The following PCDHGA10 variants were observed in gnomAD, a reference collection of about 807,000 sequenced individuals.
PCDHGA10 encodes the protein protocadherin gamma-A10.
Under a neutral mutation model 59.5 loss-of-function variants are expected in PCDHGA10, and 42 were observed. The ratio of observed to expected loss-of-function variants is 0.71; its 90% CI spans 0.55 to 0.91. The LOEUF (loss-of-function observed/expected upper bound fraction) is 0.91. PCDHGA10 is among the 40% of genes least tolerant of loss of function. The pLI is 0.00. For missense variants in PCDHGA10, 1,111 were observed against 1,198.2 expected (o/e 0.93, Z 1.07); for synonymous variants, 511 against 517.2 (o/e 0.99, Z 0.16).
chr5:141,455,149 TTA>T (rs537241375), intron 1 of PCDHGA10, among the ~76,000 whole-genome samples: 1 of 148,248 alleles, frequency 6.7e-6, no homozygotes, highest in Non-Finnish European at 1.5e-5. Context: ...TAAATAAATA[TTA>T]GTTTGTTGGT....
At chr5:141,510,831 A>T (rs2154594660) in intron 3 of PCDHGA10, 116 bp from the exon 4 acceptor site, 1 of 1,577,022 alleles carries the variant, frequency 6.3e-7, no homozygotes, top group East Asian at 2.2e-5. Context: ...CCCAGTGCTC[A>T]GCGTGGTCAA....
intron 1 of PCDHGA10, chr5:141,418,306 GA>G: frequency 6.2e-7 from 1 of 1,614,032 alleles, no homozygotes; most frequent in East Asian, 2.2e-5. Flanking sequence ...TCAGCCTGGG[GA>G]TGGGAACAAT....
intron 1 of PCDHGA10, among the ~76,000 whole-genome samples, chr5:141,448,083 T>C (rs1020024755): frequency 2.6e-5 from 4 of 151,368 alleles, no homozygotes; most frequent in African/African-American, 9.7e-5. Context: ...CGAAATGCCA[T>C]CTTAAAAAAA....
At chr5:141,458,803 G>A (rs2098953701) in intron 1 of PCDHGA10, among the ~76,000 whole-genome samples, 2 of 152,130 alleles carry the variant, frequency 1.3e-5, no homozygotes, top group African/African-American at 4.8e-5. Flanking sequence ...TGTGATCTCA[G>A]CTCACTGCAA....
intron 1 of PCDHGA10, among the ~76,000 whole-genome samples, chr5:141,474,082 CA>C (rs1449032579): frequency 1.3e-5 from 2 of 151,946 alleles, no homozygotes; most frequent in Non-Finnish European, 2.9e-5. Flanking sequence ...AAACAAAAAC[CA>C]AAAAACAAAC....
intron 1 of PCDHGA10, chr5:141,441,799 G>C (rs546770596): frequency 2.6e-6 from 1 of 385,350 alleles, no homozygotes; most frequent in Non-Finnish European, 5.2e-6. Context: ...AACGCACCGC[G>C]GGTGCTGTAC....
Position 141,477,312 on chromosome 5 carries a change from TTACTTC to T in PCDHGA10, c.2437-17493_2437-17488del, listed in dbSNP as rs773034406. Reference sequence around the variant, plus strand: ...GTTCCACCGGGTCTCCCTTTCAGCCTTACTTCTTCCCTCAAGAATTACTTCACTTTG... The same window carrying T: ...GTTCCACCGGGTCTCCCTTTCAGCCTTTCCCTCAAGAATTACTTCACTTTG... On this transcript the variant is annotated intron_variant, in intron 1 of 3. Coordinates refer to ENST00000398610, the MANE Select transcript of PCDHGA10 (RefSeq NM_018913.3). The surrounding 1 kb of genome is among the most constrained non-coding windows in gnomAD (Gnocchi z 4.9). The T allele has an allele frequency of 2.5e-6, 4 of 1,614,162 alleles. No homozygotes were observed. Among genetic ancestry groups the T allele is most frequent in the Non-Finnish European group, 3.4e-6 (4 of 1,180,032 alleles).
intron 1 of PCDHGA10, chr5:141,478,925 G>T: frequency 1.4e-6 from 1 of 700,562 alleles, no homozygotes; most frequent in Non-Finnish European, 2.2e-6. Context: ...TCTAACCAGT[G>T]GCAGCTTCTA....
At chr5:141,419,667 G>T in intron 1 of PCDHGA10, 1 of 1,612,894 alleles carries the variant, frequency 6.2e-7, no homozygotes, top group South Asian at 1.1e-5. Flanking sequence ...CACAATGCCT[G>T]GCTGTCCTAC....
At chr5:141,427,951 A>G in intron 1 of PCDHGA10, 1 of 1,586,612 alleles carries the variant, frequency 6.3e-7, no homozygotes, top group Non-Finnish European at 8.6e-7. Flanking sequence ...CTCAATGACA[A>G]TGTGCCGCGG....
At chr5:141,419,782 C>T (rs765128711) in intron 1 of PCDHGA10, 9 of 1,614,058 alleles carry the variant, frequency 5.6e-6, no homozygotes, top group Non-Finnish European at 7.6e-6. Flanking sequence ...TCCGCCAGCG[C>T]CTGCTAGTCG....
intron 1 of PCDHGA10, chr5:141,427,798 T>C: frequency 6.6e-7 from 1 of 1,506,550 alleles, no homozygotes; most frequent in South Asian, 1.1e-5. Flanking sequence ...TACGTGTCCG[T>C]GAGCGCACAG....
At chr5:141,423,994 A>G (rs2096794168) in intron 1 of PCDHGA10, 17 of 1,081,216 alleles carry the variant, frequency 1.6e-5, no homozygotes, top group Non-Finnish European at 1.8e-5. Flanking sequence ...TCAATTTATT[A>G]TATATAGATA....
At chr5:141,421,449 G>A (rs2096574013) in intron 1 of PCDHGA10, 2 of 1,614,010 alleles carry the variant, frequency 1.2e-6, no homozygotes, top group African/African-American at 1.3e-5. Flanking sequence ...GGAAGACACA[G>A]CTTTTCGCTG....
chr5:141,502,475 A>G (rs1246548191), intron 2 of PCDHGA10, among the ~76,000 whole-genome samples: 1 of 150,884 alleles, frequency 6.6e-6, no homozygotes, highest in Non-Finnish European at 1.5e-5. Context: ...TTCCCGCAGC[A>G]TCACACTGGG....
At chr5:141,437,197 G>A (rs535640562) in intron 1 of PCDHGA10, among the ~76,000 whole-genome samples, 69 of 152,330 alleles carry the variant, frequency 4.5e-4, no homozygotes, top group Non-Finnish European at 7.8e-4. Flanking sequence ...GGGTTTGGAT[G>A]TGTTTACATT....
intron 2 of PCDHGA10, among the ~76,000 whole-genome samples, chr5:141,495,471 G>A (rs2099761632): frequency 6.6e-6 from 1 of 152,190 alleles, no homozygotes; most frequent in Non-Finnish European, 1.5e-5. Context: ...TGGGGTCTCC[G>A]TGTCTCTGCC....
intron 1 of PCDHGA10, chr5:141,417,547 G>C (rs756455730): frequency 9.7e-5 from 31 of 318,264 alleles, no homozygotes; most frequent in Non-Finnish European, 1.5e-4. Flanking sequence ...AAAATTCCTT[G>C]AAAGAGGTAG....
chr5:141,487,475 C>T lies in PCDHGA10; in HGVS notation c.2437-7332C>T, dbSNP rs781308835. On this transcript the variant is annotated intron_variant, in intron 1 of 3. Coordinates refer to ENST00000398610, the MANE Select transcript of PCDHGA10 (RefSeq NM_018913.3). The surrounding 1 kb of genome is among the most constrained non-coding windows in gnomAD (Gnocchi z 5.0). ...TATCAAGTTTGTTGATGTGGGAGGC[C>T]ACTCTCATGGCTGTACACCCTTGGC... 1.2e-6 allele frequency: 2 copies of T among 1,614,156 alleles called. No homozygotes were observed. Among genetic ancestry groups the T allele is most frequent in the South Asian group, 1.1e-5 (1 of 91,080 alleles).
Sources: allele counts gnomAD v4.1 joint callset (sites outside exome capture counted in the v4.1 genomes callset), GRCh38; gene constraint gnomAD v4.1.1; non-coding constraint Gnocchi (gnomAD v3.1); transcripts MANE v1.5; gene names NCBI Gene and HGNC (gene_info 2026-07-23, HGNC 2026-07-21).